Variants in ZNF280D observed in about 807,000 individuals in gnomAD.
The protein encoded by ZNF280D is suppressor of hairy wing homolog 4.
In ZNF280D, 39 loss-of-function variants were observed where a neutral mutation model predicts 94.7. The observed-to-expected ratio is 0.41, with a 90% CI of 0.32 to 0.54. The LOEUF (loss-of-function observed/expected upper bound fraction) is 0.54, where lower values mean the gene tolerates loss of function less well. Ranked by LOEUF, ZNF280D falls within the 20% of genes least tolerant of loss-of-function variation. The pLI, the probability that ZNF280D is intolerant of heterozygous loss-of-function variation, is 0.22. For synonymous variants in ZNF280D, 398 were observed against 377.6 expected (o/e 1.05, Z -0.63); for missense variants, 1,090 against 1,149.3 (o/e 0.95, Z 0.75).
chr15:56,654,693 C>G (rs1366342219), intron 17 of ZNF280D, 190 bp from the exon 18 acceptor site: 1 of 634,172 alleles, frequency 1.6e-6, no homozygotes, highest in Admixed American at 2.1e-5. Context: ...AATTATGCTA[C>G]CATTTATTTA....
At position 56,632,134 on chromosome 15, in the gene ZNF280D, AG is replaced by A; in HGVS notation, c.2316-13del. 6.5e-7 allele frequency: 1 copy of A among 1,539,272 alleles called. No individual in the cohort carries two copies. The highest frequency in any genetic ancestry group is 8.7e-7 in the Non-Finnish European group (1 of 1,147,368). On this transcript the variant is annotated splice_polypyrimidine_tract_variant and intron_variant, in intron 21 of 21. Transcript: ENST00000267807. ...CTTTATCTTGTTTACTGAAAAATAA[AG>A]TCATTTATTATGTATTTCTTCATAA...
chr15:56,657,979 A>C (rs1457652392), intron 17 of ZNF280D, among the ~76,000 whole-genome samples: 2 of 152,182 alleles, frequency 1.3e-5, no homozygotes, highest in East Asian at 3.8e-4. Context: ...TAAATAAATA[A>C]ACTATGATGT....
chr15:56,726,228 T>C (rs563016487), intron 1 of ZNF280D, among the ~76,000 whole-genome samples: 12 of 151,500 alleles, frequency 7.9e-5, no homozygotes, highest in Non-Finnish European at 1.6e-4. Context: ...AAAAAACCTA[T>C]TATGGAAGTA....
chr15:56,672,108 G>A (rs1469885855), intron 13 of ZNF280D, among the ~76,000 whole-genome samples: 1 of 151,960 alleles, frequency 6.6e-6, no homozygotes, highest in Non-Finnish European at 1.5e-5. Flanking sequence ...CTAGATATAG[G>A]ATCATGTCAT....
chr15:56,652,519 T>A (rs1042197774), intron 19 of ZNF280D: 3 of 502,678 alleles, frequency 6.0e-6, no homozygotes, highest in South Asian at 1.7e-4. Context: ...AAAAGGATAA[T>A]AGTATAAAAA....
chr15:56,653,570 T>A, intron 19 of ZNF280D: 1 of 1,510,266 alleles, frequency 6.6e-7, no homozygotes, highest in South Asian at 1.2e-5. Flanking sequence ...ACCCTGGATA[T>A]TTTTTGAAAT....
intron 4 of ZNF280D, 49 bp downstream of exon 4, chr15:56,704,072 T>C (rs751844789): frequency 6.2e-7 from 1 of 1,600,848 alleles, no homozygotes; most frequent in South Asian, 1.1e-5. Context: ...GTTTTTCTAC[T>C]AGAAATAATA....
chr15:56,672,245 C>T (rs1596449705), intron 13 of ZNF280D, among the ~76,000 whole-genome samples: 1 of 152,010 alleles, frequency 6.6e-6, no homozygotes, highest in East Asian at 1.9e-4. Context: ...AGAGGGCATC[C>T]TTGTCTTGTG....
At chr15:56,694,683 A>T (rs551102392) in intron 6 of ZNF280D, among the ~76,000 whole-genome samples, 1 of 152,234 alleles carries the variant, frequency 6.6e-6, no homozygotes, top group African/African-American at 2.4e-5. Context: ...CACTACTCTT[A>T]AAAGTGTCAA....
At chr15:56,704,009 G>A in intron 4 of ZNF280D, 112 bp downstream of exon 4, 2 of 1,171,796 alleles carry the variant, frequency 1.7e-6, no homozygotes, top group Non-Finnish European at 2.4e-6. Flanking sequence ...CCCCAATCAT[G>A]TTCCTCTTTA....
chr15:56,634,858 G>T (rs1213925412), intron 21 of ZNF280D, among the ~76,000 whole-genome samples: 1 of 152,018 alleles, frequency 6.6e-6, no homozygotes, highest in African/African-American at 2.4e-5. Context: ...TGCAACAACT[G>T]TTCCTGTCCA....
chr15:56,642,932 T>A lies in ZNF280D; in HGVS notation c.2259+20A>T. The stretch of plus-strand genomic sequence containing the variant: ...TTCAAATGTATAAACCTTTAAGGTA[T>A]AAAGTAAAACAAACTTTACCTTAGA... On this transcript the variant is annotated intron_variant, in intron 20 of 21. Coordinates refer to ENST00000267807, the MANE Select transcript of ZNF280D (RefSeq NM_017661.4). 1 of 1,480,102 alleles carries A rather than the reference T, an allele frequency of 6.8e-7. No individual in the cohort carries two copies. Among genetic ancestry groups the A allele is most frequent in the Non-Finnish European group, 8.9e-7 (1 of 1,117,560 alleles). The allele number at this position is 1,480,102 out of a possible 1,614,324, so 91.7% of individuals were successfully genotyped here.
At chr15:56,643,747 TA>T (rs1555399991) in intron 19 of ZNF280D, among the ~76,000 whole-genome samples, 1 of 151,924 alleles carries the variant, frequency 6.6e-6, no homozygotes, top group Non-Finnish European at 1.5e-5. Context: ...AACTCAATTT[TA>T]ATCTGTGTAA....
At chr15:56,687,975 T>C (rs2056145339) in intron 9 of ZNF280D, among the ~76,000 whole-genome samples, 1 of 152,170 alleles carries the variant, frequency 6.6e-6, no homozygotes, top group African/African-American at 2.4e-5. Flanking sequence ...AGTTACTTCT[T>C]TGCCATTGCA....
chr15:56,659,493 ATTG>A (rs764013490), intron 16 of ZNF280D, among the ~76,000 whole-genome samples: 1 of 152,018 alleles, frequency 6.6e-6, no homozygotes, highest in African/African-American at 2.4e-5. Context: ...ATTACAGTAT[ATTG>A]TTATTATAAT....
At chr15:56,681,890 A>C (rs2055641513) in intron 10 of ZNF280D, among the ~76,000 whole-genome samples, 1 of 152,094 alleles carries the variant, frequency 6.6e-6, no homozygotes, top group Non-Finnish European at 1.5e-5. Flanking sequence ...GAACAAACAC[A>C]GAGTGGTTCT....
At chr15:56,718,630 G>A (rs969301578) in intron 1 of ZNF280D, among the ~76,000 whole-genome samples, 2 of 152,086 alleles carry the variant, frequency 1.3e-5, no homozygotes, top group Admixed American at 1.3e-4. Context: ...AGGGTACAGG[G>A]AATATCTTCC....
chr15:56,632,495 GAT>G, intron 21 of ZNF280D, among the ~76,000 whole-genome samples: 1 of 122,072 alleles, frequency 8.2e-6, no homozygotes, highest in East Asian at 2.5e-4. Context: ...ATTTTTTTAT[GAT>G]TTTTTTTTTT....
chr15:56,654,499 T>A lies in ZNF280D; in HGVS notation c.2062A>T (p.Ile688Phe). The change falls in exon 18 of 22, where the codon ATT (isoleucine) becomes TTT (phenylalanine). Residue 688 changes from isoleucine (I) to phenylalanine (F), a missense_variant. Ile to Phe is a conservative substitution (Grantham distance 21). Transcript: ENST00000267807. ...TCACAATTAAGGCACACTAGAGTAA[T>A]GCCCCTAAAAAAAAAAGCATTAAAA... ...FKKHSENLRGITLVCLNCDFL... is the reference protein window; with the variant it reads ...FKKHSENLRGFTLVCLNCDFL... 6.4e-7 allele frequency: 1 copy of A among 1,569,756 alleles called. No individual in the cohort carries two copies. Among genetic ancestry groups the A allele is most frequent in the Non-Finnish European group, 8.6e-7 (1 of 1,166,288 alleles).
Sources: allele counts gnomAD v4.1 joint callset (sites outside exome capture counted in the v4.1 genomes callset), GRCh38; gene constraint gnomAD v4.1.1; transcripts MANE v1.5; gene names NCBI Gene and HGNC (gene_info 2026-07-23, HGNC 2026-07-21).